Variants in IL1RAPL1 observed in about 807,000 individuals in gnomAD.
IL1RAPL1 encodes the protein interleukin-1 receptor accessory protein-like 1.
In IL1RAPL1, 3 loss-of-function variants were observed where a neutral mutation model predicts 48.4. The ratio of observed to expected loss-of-function variants is 0.06; its 90% confidence interval spans 0.03 to 0.16. The LOEUF is 0.16. Among genes scored for constraint, IL1RAPL1 ranks in the 10% least tolerant of loss-of-function variants. The pLI, the probability that IL1RAPL1 is intolerant of heterozygous loss-of-function variation, is 1.00. For synonymous variants in IL1RAPL1, 185 were observed against 187.7 expected, an observed-to-expected ratio of 0.99 and a Z score of 0.12; for missense variants, 349 against 530.6, an observed-to-expected ratio of 0.66 and a Z score of 3.36.
intron 3 of IL1RAPL1, among the ~76,000 whole-genome samples, chrX:29,314,862 A>G (rs1231258893): frequency 1.8e-5 from 2 of 112,486 alleles, no homozygotes; most frequent in Non-Finnish European, 3.8e-5. Context: ...CCAAAATATT[A>G]TATGCCATGT....
At chrX:29,419,447 A>G (rs1170097589) in intron 5 of IL1RAPL1, among the ~76,000 whole-genome samples, 1 of 109,576 alleles carries the variant, frequency 9.1e-6, no homozygotes, top group East Asian at 2.9e-4. Context: ...CAGCCTCCCA[A>G]GTAGCTGGGA....
At chrX:29,395,257 G>A (rs1933907078) in intron 3 of IL1RAPL1, among the ~76,000 whole-genome samples, 1 of 111,827 alleles carries the variant, frequency 8.9e-6, no homozygotes, top group Non-Finnish European at 1.9e-5. Context: ...GAATTTGATG[G>A]CCATGTACAT....
chrX:28,612,746 A>G (rs982958809), intron 1 of IL1RAPL1, among the ~76,000 whole-genome samples: 1 of 112,316 alleles, frequency 8.9e-6, no homozygotes, highest in African/African-American at 3.2e-5. Flanking sequence ...AGTCATAGAG[A>G]TGAAAAAGCT....
At chrX:28,947,554 G>C (rs936201727) in intron 2 of IL1RAPL1, among the ~76,000 whole-genome samples, 2 of 110,567 alleles carry the variant, frequency 1.8e-5, no homozygotes, top group African/African-American at 3.3e-5. Flanking sequence ...GGCCTGTCGT[G>C]GGGTGGGAGG....
chrX:29,111,887 A>G (rs1602061643), intron 2 of IL1RAPL1, among the ~76,000 whole-genome samples: 2 of 98,680 alleles, frequency 2.0e-5, no homozygotes, highest in South Asian at 9.0e-4. Flanking sequence ...ATATTGTTAA[A>G]TATTTTCTCC....
chrX:28,650,157 C>T (rs368388423), intron 1 of IL1RAPL1, among the ~76,000 whole-genome samples: 2 of 111,905 alleles, frequency 1.8e-5, no homozygotes, highest in Non-Finnish European at 3.8e-5. Flanking sequence ...ATTTCATATT[C>T]GTATGCCTCA....
intron 1 of IL1RAPL1, among the ~76,000 whole-genome samples, chrX:28,684,369 T>G (rs369694531): frequency 8.9e-6 from 1 of 111,956 alleles, no homozygotes; most frequent in African/African-American, 3.2e-5. Context: ...CACTATCTCA[T>G]GAAAGTGATT....
chrX:28,944,651 C>G (rs954125957), intron 2 of IL1RAPL1, among the ~76,000 whole-genome samples: 23 of 110,019 alleles, frequency 2.1e-4, no homozygotes, highest in African/African-American at 7.2e-4. Context: ...ATGAAAAAAG[C>G]TACATTAAAT....
intron 2 of IL1RAPL1, among the ~76,000 whole-genome samples, chrX:28,965,990 G>C (rs752665478): frequency 7.2e-5 from 8 of 111,637 alleles, no homozygotes; most frequent in African/African-American, 2.6e-4. Context: ...TTTGAAATGG[G>C]TTAGATGGTG....
rs111609929 is a variant in IL1RAPL1 at position 29,044,807 on chromosome X, G to T, written c.83-238131G>T. 6.2e-3 allele frequency among the ~76,000 whole-genome samples: 689 copies of T among 111,232 alleles called. 8 individuals carry two copies. Among genetic ancestry groups the T allele is most frequent in the African/African-American group, 0.022 (657 of 30,454 alleles). ...TGTTAACACCCACAGTGGAAGTTTA[G>T]CAGTGGAAATGAACTAATATTACCA... On this transcript the variant is annotated intron_variant, in intron 2 of 10. Transcript: ENST00000378993.
chrX:29,533,369 G>T (rs1921109550), intron 5 of IL1RAPL1, among the ~76,000 whole-genome samples: 1 of 111,908 alleles, frequency 8.9e-6, no homozygotes, highest in Admixed American at 9.5e-5. Context: ...ATACCATGTG[G>T]ATTTTTTGTG....
intron 3 of IL1RAPL1, among the ~76,000 whole-genome samples, chrX:29,353,542 A>G (rs1287573460): frequency 9.0e-6 from 1 of 111,695 alleles, no homozygotes; most frequent in Non-Finnish European, 1.9e-5. Flanking sequence ...CCCTTGGTAC[A>G]TTTTCTCATC....
chrX:28,702,448 G>A (rs1430392639), intron 1 of IL1RAPL1, among the ~76,000 whole-genome samples: 1 of 111,722 alleles, frequency 9.0e-6, no homozygotes, highest in Non-Finnish European at 1.9e-5. Context: ...ACTATAATTG[G>A]CACTTTCAAC....
intron 2 of IL1RAPL1, among the ~76,000 whole-genome samples, chrX:29,111,530 A>G (rs1263573228): frequency 7.2e-5 from 8 of 111,556 alleles, no homozygotes; most frequent in African/African-American, 1.3e-4. Flanking sequence ...CAACTTTTGC[A>G]CTGACAAGCA....
chrX:29,711,454 A>T (rs1425233541), intron 6 of IL1RAPL1, among the ~76,000 whole-genome samples: 1 of 110,851 alleles, frequency 9.0e-6, no homozygotes, highest in African/African-American at 3.3e-5. Context: ...AAGTGCTGGG[A>T]TTACAGGTGT....
At chrX:28,673,037 C>T (rs1402702122) in intron 1 of IL1RAPL1, among the ~76,000 whole-genome samples, 1 of 111,498 alleles carries the variant, frequency 9.0e-6, no homozygotes, top group Admixed American at 9.6e-5. Flanking sequence ...CCCACTAATA[C>T]GTGAGAACAT....
At chrX:29,744,539 T>A (rs919674650) in intron 6 of IL1RAPL1, among the ~76,000 whole-genome samples, 5 of 112,257 alleles carry the variant, frequency 4.5e-5, no homozygotes, top group African/African-American at 1.6e-4. Context: ...TTATATTTGC[T>A]GGGTAATTAT....
intron 1 of IL1RAPL1, among the ~76,000 whole-genome samples, chrX:28,719,708 A>G (rs1029285013): frequency 9.9e-5 from 11 of 111,068 alleles, no homozygotes; most frequent in Non-Finnish European, 2.1e-4. Flanking sequence ...GAGGAAACAA[A>G]AACAAGAGAC....
intron 3 of IL1RAPL1, among the ~76,000 whole-genome samples, chrX:29,375,354 C>T (rs1933608828): frequency 9.1e-6 from 1 of 110,037 alleles, no homozygotes; most frequent in South Asian, 4.0e-4. Flanking sequence ...TTAGTAGAGA[C>T]GGGGTTTCAC....
Sources: gnomAD v4.1 joint callset for allele counts (sites outside exome capture counted in the v4.1 genomes callset) on GRCh38, gnomAD v4.1.1 for gene constraint, MANE v1.5 for transcripts, NCBI Gene and HGNC (gene_info 2026-07-23, HGNC 2026-07-21) for gene names.